The following CDCA2 variants were observed in gnomAD, a reference collection of about 807,000 sequenced individuals.
The protein encoded by CDCA2 is cell division cycle associated 2, also known as cell division cycle-associated protein 2.
A neutral mutation model predicts 67.0 loss-of-function variants in CDCA2; 44 were observed. The observed-to-expected ratio is 0.66, with a 90% CI of 0.52 to 0.84. The LOEUF is 0.84. Among genes scored for constraint, CDCA2 ranks in the 40% least tolerant of loss-of-function variants. The pLI, the probability that CDCA2 is intolerant of heterozygous loss-of-function variation, is 0.00. For missense variants in CDCA2, 1,253 were observed against 1,203.2 expected (o/e 1.04, Z -0.61); for synonymous variants, 447 against 418.7 (o/e 1.07, Z -0.82).
At chr8:25,482,773 G>T (rs1227301141) in intron 8 of CDCA2, among the ~76,000 whole-genome samples, 1 of 152,168 alleles carries the variant, frequency 6.6e-6, no homozygotes, top group Non-Finnish European at 1.5e-5. Flanking sequence ...AGGAGGCTGA[G>T]GTAGGAGAAT....
chr8:25,470,155 A>G (rs377058761), intron 7 of CDCA2, among the ~76,000 whole-genome samples, 175 bp downstream of exon 7: 1 of 152,200 alleles, frequency 6.6e-6, no homozygotes. Flanking sequence ...CTCTTTTTTA[A>G]GCTACGATCA....
chr8:25,488,503 A>G (rs2117525251), intron 12 of CDCA2, 49 bp from the exon 13 acceptor site: 2 of 1,509,112 alleles, frequency 1.3e-6, no homozygotes, highest in Middle Eastern at 1.8e-4. Flanking sequence ...GCACATTAAC[A>G]TGTAATTGCT....
intron 7 of CDCA2, among the ~76,000 whole-genome samples, chr8:25,479,244 C>A (rs533400859): frequency 1.3e-5 from 2 of 152,134 alleles, no homozygotes; most frequent in African/African-American, 2.4e-5. Context: ...CTCTTTCCCT[C>A]TCCCTCCTCC....
intron 11 of CDCA2, among the ~76,000 whole-genome samples, 176 bp downstream of exon 11, chr8:25,486,013 C>G (rs1803761821): frequency 6.6e-6 from 1 of 152,180 alleles, no homozygotes; most frequent in Admixed American, 6.5e-5. Flanking sequence ...CTTTTCCATT[C>G]CAAGCCTCAT....
At chr8:25,472,529 G>A (rs1563265265) in intron 7 of CDCA2, among the ~76,000 whole-genome samples, 1 of 152,116 alleles carries the variant, frequency 6.6e-6, no homozygotes, top group Non-Finnish European at 1.5e-5. Flanking sequence ...GGGATTACAG[G>A]CATGAGCCAC....
At chr8:25,475,578 G>A (rs1012618609) in intron 7 of CDCA2, among the ~76,000 whole-genome samples, 2 of 152,108 alleles carry the variant, frequency 1.3e-5, no homozygotes, top group African/African-American at 4.8e-5. Context: ...CATCTTTACA[G>A]CTAGGGTTAG....
intron 3 of CDCA2, 104 bp from the exon 4 acceptor site, chr8:25,461,949 AT>A (rs1471556365): frequency 8.9e-7 from 1 of 1,118,332 alleles, no homozygotes; most frequent in East Asian, 2.4e-5. Flanking sequence ...TTTGTAGCAC[AT>A]GTTTATCATG....
At chr8:25,459,694 A>G (rs920805072) in intron 1 of CDCA2, among the ~76,000 whole-genome samples, 4 of 152,332 alleles carry the variant, frequency 2.6e-5, no homozygotes, top group East Asian at 3.9e-4. Context: ...TTGAAAAGCC[A>G]TGGCTTATCC....
rs758119419 is a variant in CDCA2 at position 25,507,035 on chromosome 8, G to A, written c.2369G>A (p.Cys790Tyr). 1.5e-5 allele frequency: 25 copies of A among 1,613,960 alleles called. No homozygotes were observed. In the Admixed American group the frequency reaches 4.0e-4, roughly 26 times the overall value. The change falls in exon 15 of 15, where the codon TGT becomes TAT. Residue 790 changes from cysteine to tyrosine, a missense_variant. Coordinates refer to ENST00000330560, the MANE Select transcript of CDCA2 (RefSeq NM_152562.4). ...NRLMPNSQKD[C>Y]HCLGDVLIEN... is the part of the protein sequence containing the mutation. ...TTAATGCCTAATTCACAAAAAGACT[G>A]TCATTGTTTAGGAGATGTCTTAATT...
At chr8:25,468,118 C>CAA (rs60060887) in intron 5 of CDCA2, 99 bp from the exon 6 acceptor site, 14,313 of 158,380 alleles carry the variant, frequency 0.09, 163 homozygotes, top group Middle Eastern at 0.13. Context: ...AACTCCGTCT[C>CAA]AAAAAAAAAA....
At chr8:25,481,135 TG>T (rs1380720684) in intron 8 of CDCA2, among the ~76,000 whole-genome samples, 1 of 150,894 alleles carries the variant, frequency 6.6e-6, no homozygotes, top group African/African-American at 2.4e-5. Flanking sequence ...AGAGCTGATT[TG>T]GGGCCAGGTA....
chr8:25,461,090 A>C (rs1005629244), intron 3 of CDCA2, among the ~76,000 whole-genome samples: 4 of 151,992 alleles, frequency 2.6e-5, no homozygotes, highest in African/African-American at 9.7e-5. Flanking sequence ...CAACATAGAG[A>C]AACCTCGTCT....
chr8:25,482,322 T>C lies in CDCA2; in HGVS notation c.1033-1077T>C, dbSNP rs566440594. On this transcript the variant is annotated intron_variant, in intron 8 of 14. Transcript: ENST00000330560. ...GTTTAAAAGACAGAACACGATGTTA[T>C]ACCATTTAACTGTTGGCTTTTTTTC... Among the ~76,000 whole-genome samples, 3 of 152,366 alleles carry C rather than the reference T, an allele frequency of 2.0e-5. No homozygotes were observed. In the South Asian group the frequency reaches 6.2e-4, roughly 32 times the overall value.
At chr8:25,465,063 T>G (rs1802846650) in intron 4 of CDCA2, among the ~76,000 whole-genome samples, 1 of 152,020 alleles carries the variant, frequency 6.6e-6, no homozygotes, top group Admixed American at 6.6e-5. Flanking sequence ...AACCTCTACC[T>G]CCCAGGTTCA....
intron 7 of CDCA2, among the ~76,000 whole-genome samples, chr8:25,477,960 G>A (rs1040485039): frequency 1.4e-5 from 2 of 141,790 alleles, no homozygotes; most frequent in African/African-American, 2.6e-5. Flanking sequence ...TTAGAGTCTC[G>A]CTGTCACCCA....
rs766134065 is a variant in CDCA2 at position 25,507,200 on chromosome 8, A to G, written c.2534A>G (p.Glu845Gly). 30 of 1,614,088 alleles carry G rather than the reference A, an allele frequency of 1.9e-5. No individual in the cohort carries two copies. Among genetic ancestry groups the G allele is most frequent in the Non-Finnish European group, 2.2e-5 (26 of 1,179,984 alleles). Residue 845 changes from glutamate (E) to glycine (G), a missense_variant, in exon 15 of 15, where the codon GAA becomes GGA. Coordinates refer to ENST00000330560, the MANE Select transcript of CDCA2 (RefSeq NM_152562.4). ...CYSDGRSLHLEKNGNHTPSSS... is the reference protein window; with the variant it reads ...CYSDGRSLHLGKNGNHTPSSS... ...TCTGATGGTCGAAGTTTACATTTGG[A>G]AAAAAATGGAAATCACACACCATCC... is the stretch of plus-strand genomic sequence containing the variant.
At chr8:25,504,580 G>C (rs999557895) in intron 14 of CDCA2, among the ~76,000 whole-genome samples, 8 of 152,098 alleles carry the variant, frequency 5.3e-5, no homozygotes, top group African/African-American at 1.7e-4. Context: ...GGATGAATGA[G>C]GTACATGCCA....
At chr8:25,460,636 G>T in intron 3 of CDCA2, 82 bp downstream of exon 3, 1 of 1,412,926 alleles carries the variant, frequency 7.1e-7, no homozygotes, top group Non-Finnish European at 9.6e-7. Flanking sequence ...TTGTTTATAC[G>T]TACTGTCATA....
At position 25,506,084 on chromosome 8, in the gene CDCA2, A is replaced by G. The variant is rs534632125; in HGVS notation, c.1844-426A>G. Among the ~76,000 whole-genome samples, 54 of 152,286 alleles carry G rather than the reference A, an allele frequency of 3.5e-4. No homozygotes were observed. In the South Asian group the frequency reaches 0.011, roughly 32 times the overall value. ...GTCCTCAAATACCCCAGAATTCCAA[A>G]TTTTCCCTCCCCTGTTTCGGAGGAT... On this transcript the variant is annotated intron_variant, in intron 14 of 14. Transcript: ENST00000330560.
Sources: gnomAD v4.1 joint callset for allele counts (sites outside exome capture counted in the v4.1 genomes callset) on GRCh38, gnomAD v4.1.1 for gene constraint, MANE v1.5 for transcripts, NCBI Gene and HGNC (gene_info 2026-07-23, HGNC 2026-07-21) for gene names.